Variants in PTPRG observed in about 807,000 individuals in gnomAD.
PTPRG encodes the protein receptor-type tyrosine-protein phosphatase gamma.
Under a neutral mutation model 165.3 loss-of-function variants are expected in PTPRG, and 102 were observed. The observed-to-expected ratio is 0.62, with a 90% CI of 0.53 to 0.73. The LOEUF is 0.73. Among genes scored for constraint, PTPRG ranks in the 30% least tolerant of loss-of-function variants. The pLI, the probability that PTPRG is intolerant of heterozygous loss-of-function variation, is 0.00. For synonymous variants in PTPRG, 675 were observed against 669.5 expected (o/e 1.01, Z -0.13); for missense variants, 1,866 against 1,861.4 (o/e 1.00, Z -0.05).
chr3:61,594,474 T>TTTCA (rs1700645555), intron 1 of PTPRG, among the ~76,000 whole-genome samples: 1 of 151,822 alleles, frequency 6.6e-6, no homozygotes, highest in African/African-American at 2.4e-5. Flanking sequence ...GAGAAGACAG[T>TTTCA]GATTACAAAT....
intron 4 of PTPRG, among the ~76,000 whole-genome samples, chr3:62,030,212 T>TA (rs749849578): frequency 1.6e-3 from 238 of 145,034 alleles, no homozygotes; most frequent in Middle Eastern, 7.0e-3. Flanking sequence ...TTTTTTTTTT[T>TA]AACTTAAGTC....
chr3:61,955,931 A>G (rs1192742821), intron 2 of PTPRG, among the ~76,000 whole-genome samples: 1 of 152,150 alleles, frequency 6.6e-6, no homozygotes, highest in African/African-American at 2.4e-5. Flanking sequence ...CTCCTAAAAT[A>G]GGAGTATAAC....
intron 2 of PTPRG, among the ~76,000 whole-genome samples, chr3:61,894,233 T>C (rs1054893048): frequency 2.3e-5 from 3 of 128,622 alleles, no homozygotes; most frequent in African/African-American, 8.8e-5. Context: ...ACCTGGAAGG[T>C]GGAGGCTGCA....
chr3:62,169,866 C>G (rs1293405354), intron 8 of PTPRG, among the ~76,000 whole-genome samples: 1 of 152,034 alleles, frequency 6.6e-6, no homozygotes, highest in Non-Finnish European at 1.5e-5. Flanking sequence ...AGTTTATTGG[C>G]ATATGGACTT....
chr3:62,023,568 C>G (rs533869671), intron 4 of PTPRG, among the ~76,000 whole-genome samples: 5 of 152,258 alleles, frequency 3.3e-5, no homozygotes, highest in Admixed American at 2.0e-4. Flanking sequence ...ACTTTCCTCT[C>G]TAGCCATCAT....
chr3:62,034,262 T>C, intron 4 of PTPRG, among the ~76,000 whole-genome samples: 1 of 152,256 alleles, frequency 6.6e-6, no homozygotes. Flanking sequence ...TGCATTTGTT[T>C]GGAAAAAGCA....
intron 4 of PTPRG, among the ~76,000 whole-genome samples, chr3:62,005,669 C>A (rs1024607286): frequency 7.1e-6 from 1 of 141,832 alleles, no homozygotes; most frequent in East Asian, 2.1e-4. Flanking sequence ...CTGGGAATAA[C>A]GTATCAAAGA....
At chr3:62,232,870 G>A (rs750947827) in intron 14 of PTPRG, among the ~76,000 whole-genome samples, 9 of 152,180 alleles carry the variant, frequency 5.9e-5, no homozygotes, top group Non-Finnish European at 1.3e-4. Context: ...TTTTTAAATA[G>A]TGTAGCAGCT....
chr3:61,994,765 T>G (rs1020523407), intron 3 of PTPRG, among the ~76,000 whole-genome samples: 2 of 152,206 alleles, frequency 1.3e-5, no homozygotes, highest in African/African-American at 2.4e-5. Flanking sequence ...ACAACCTTGG[T>G]CACTTCCACA....
intron 7 of PTPRG, among the ~76,000 whole-genome samples, chr3:62,163,598 T>C (rs1704852268): frequency 6.6e-6 from 1 of 152,136 alleles, no homozygotes; most frequent in Non-Finnish European, 1.5e-5. Flanking sequence ...ATAAGGGGGA[T>C]AAGGAAGGGA....
intron 1 of PTPRG, among the ~76,000 whole-genome samples, chr3:61,576,298 T>G (rs1700172012): frequency 6.6e-6 from 1 of 152,254 alleles, no homozygotes; most frequent in African/African-American, 2.4e-5. Context: ...ACTCTTCATA[T>G]TCTCATTGCT....
In PTPRG at chr3:61,677,404, C is replaced by T. The variant is rs538274054; in HGVS notation, c.86-71474C>T. 6.6e-5 allele frequency among the ~76,000 whole-genome samples: 10 copies of T among 152,292 alleles called. No individual in the cohort carries two copies. The South Asian group carries it at 1.7e-3, about 25-fold the overall frequency. On this transcript the variant is annotated intron_variant, in intron 1 of 29. Coordinates refer to ENST00000474889, the MANE Select transcript of PTPRG (RefSeq NM_002841.4). ...TCTTCCCACTTTACATGTGAGGAAACGAGGCCTAGACAGTGAGAGAAACTA... is the reference window on the plus strand; with the variant it reads ...TCTTCCCACTTTACATGTGAGGAAATGAGGCCTAGACAGTGAGAGAAACTA...
chr3:61,856,720 T>C (rs2037116780), intron 2 of PTPRG, among the ~76,000 whole-genome samples: 1 of 152,212 alleles, frequency 6.6e-6, no homozygotes, highest in Non-Finnish European at 1.5e-5. Context: ...ATTCACTCTG[T>C]AGCTGTGTAA....
intron 2 of PTPRG, among the ~76,000 whole-genome samples, chr3:61,861,169 G>C (rs914043818): frequency 1.3e-5 from 2 of 152,236 alleles, no homozygotes; most frequent in African/African-American, 2.4e-5. Context: ...TAAAAATATA[G>C]AATGTTACTT....
At chr3:61,752,813 A>AAAAAAAT (rs1231719297) in intron 2 of PTPRG, among the ~76,000 whole-genome samples, 1 of 149,996 alleles carries the variant, frequency 6.7e-6, no homozygotes, top group Non-Finnish European at 1.5e-5. Context: ...AAAAAAAAAA[A>AAAAAAAT]GAAAATATTT....
chr3:62,265,894 T>TACACACACACAC lies in PTPRG; in HGVS notation c.2657-1515_2657-1514insCACACACACACA, dbSNP rs1250968284. Reference sequence around the variant, plus strand: ...CACACACGTATACATCTGTGCCTTATATACACACACACACACACACACACA... The same window carrying TACACACACACAC: ...CACACACGTATACATCTGTGCCTTATACACACACACACATACACACACACACACACACACACA... On this transcript the variant is annotated intron_variant, in intron 17 of 29. Transcript: ENST00000474889. Among the ~76,000 whole-genome samples the TACACACACACAC allele has an allele frequency of 3.4e-3, 90 of 26,524 alleles. 1 individual carries two copies. The highest frequency in any genetic ancestry group is 0.012 in the African/African-American group (82 of 6,790). The allele number at this position is 26,524 out of a possible 152,430, so 17.4% of individuals were successfully genotyped here.
chr3:62,099,908 C>G (rs1307164775), intron 5 of PTPRG, among the ~76,000 whole-genome samples: 1 of 149,718 alleles, frequency 6.7e-6, no homozygotes, highest in Non-Finnish European at 1.5e-5. Context: ...AAGCGATTCT[C>G]CTGCCTCAGC....
chr3:62,091,993 G>C (rs1376943221), intron 5 of PTPRG, among the ~76,000 whole-genome samples: 1 of 151,004 alleles, frequency 6.6e-6, no homozygotes, highest in South Asian at 2.1e-4. Context: ...ATATATGGTG[G>C]TTCAGCTGCT....
chr3:62,119,045 G>A (rs1445994115), intron 5 of PTPRG, among the ~76,000 whole-genome samples: 1 of 152,178 alleles, frequency 6.6e-6, no homozygotes, highest in Non-Finnish European at 1.5e-5. Context: ...CTGGGAATAC[G>A]AAACAAACTA....
Sources: allele counts gnomAD v4.1 joint callset (sites outside exome capture counted in the v4.1 genomes callset), GRCh38; gene constraint gnomAD v4.1.1; transcripts MANE v1.5; gene names NCBI Gene and HGNC (gene_info 2026-07-23, HGNC 2026-07-21).